Variants in GLO1 observed in about 807,000 individuals in gnomAD.
GLO1 encodes the protein glyoxalase I, also known as lactoylglutathione lyase.
GLO1 carries 28 observed loss-of-function variants against 26.0 expected under a neutral mutation model. The observed-to-expected ratio is 1.08, with a 90% CI of 0.80 to 1.48. GLO1 has a LOEUF of 1.48. Among genes scored for constraint, GLO1 ranks in the 40% most tolerant of loss-of-function variants. The pLI, the probability that GLO1 is intolerant of heterozygous loss-of-function variation, is 0.00. For missense variants in GLO1, 225 were observed against 224.8 expected (o/e 1.00, Z -0.01); for synonymous variants, 78 against 77.6 (o/e 1.00, Z -0.03).
intron 5 of GLO1, among the ~76,000 whole-genome samples, chr6:38,681,804 T>C (rs540952831): frequency 3.2e-4 from 49 of 152,284 alleles, no homozygotes; most frequent in African/African-American, 1.0e-3. Context: ...CTGTGTCTAG[T>C]GCCTTGGAAA....
intron 5 of GLO1, among the ~76,000 whole-genome samples, chr6:38,679,820 A>G (rs750670640): frequency 3.3e-4 from 50 of 152,146 alleles, no homozygotes; most frequent in Middle Eastern, 3.4e-3. Flanking sequence ...AATAAACAAT[A>G]TGAAATATTA....
In GLO1 at chr6:38,686,954, G is replaced by C. The variant is rs796746763; in HGVS notation, c.105C>G (p.Thr35=). The C allele has an allele frequency of 2.5e-6, 4 of 1,602,932 alleles. No homozygotes were observed. The African/African-American group carries it at 5.4e-5, about 21-fold the overall frequency. Residue 35 remains threonine, a synonymous_variant, in exon 2 of 6, where the codon ACC becomes ACG. Transcript: ENST00000373365. ...PSTKDFLLQQ[T]MLRVKDPKKS... is the part of the protein sequence containing the mutation. ...TCTTAGGATCCTTCACTCGTAGCAT[G>C]GTCTGCTGCAATAGAAAATCCTATG...
chr6:38,686,946 C>T lies in GLO1; in HGVS notation c.113G>A (p.Arg38Gln), dbSNP rs1038747749. 32 of 1,606,148 alleles carry T rather than the reference C, an allele frequency of 2.0e-5. No homozygotes were observed. Among genetic ancestry groups the T allele is most frequent in the Middle Eastern group, 1.7e-4 (1 of 6,040 alleles). ...CAGTGACTTCTTAGGATCCTTCACT[C>T]GTAGCATGGTCTGCTGCAATAGAAA... ...KDFLLQQTML[R>Q]VKDPKKSLDF... Residue 38 changes from arginine to glutamine, a missense_variant, in exon 2 of 6, where the codon CGA (arginine) becomes CAA (glutamine). Transcript: ENST00000373365.
intron 1 of GLO1, among the ~76,000 whole-genome samples, chr6:38,693,708 TGTTTTG>T (rs1158613903): frequency 1.3e-5 from 2 of 148,722 alleles, no homozygotes; most frequent in Non-Finnish European, 3.0e-5. Flanking sequence ...TATATATATT[TGTTTTG>T]TTTTGTTTTG....
At chr6:38,698,551 G>C (rs1469724869) in intron 1 of GLO1, among the ~76,000 whole-genome samples, 1 of 149,004 alleles carries the variant, frequency 6.7e-6, no homozygotes, top group Non-Finnish European at 1.5e-5. Context: ...AGTGGTGGTA[G>C]AAATAATGGC....
At chr6:38,677,978 T>C (rs1399577784) in intron 5 of GLO1, among the ~76,000 whole-genome samples, 1 of 152,136 alleles carries the variant, frequency 6.6e-6, no homozygotes, top group African/African-American at 2.4e-5. Flanking sequence ...ACAGAAATTG[T>C]CTTATTTTAA....
intron 4 of GLO1, among the ~76,000 whole-genome samples, 184 bp from the exon 5 acceptor site, chr6:38,682,285 A>G (rs1761393536): frequency 6.6e-6 from 1 of 152,216 alleles, no homozygotes; most frequent in Non-Finnish European, 1.5e-5. Flanking sequence ...TGGGCTGGGT[A>G]TAAGTAGTTA....
At chr6:38,692,820 G>C (rs889139723) in intron 1 of GLO1, among the ~76,000 whole-genome samples, 1 of 149,512 alleles carries the variant, frequency 6.7e-6, no homozygotes, top group Non-Finnish European at 1.5e-5. Context: ...TCTTAATATG[G>C]TGGATTATAC....
At position 38,677,032 on chromosome 6, in the gene GLO1, T is replaced by A. The variant is rs1761261828; in HGVS notation, c.*263A>T. On this transcript the variant is annotated 3_prime_UTR_variant, in exon 6 of 6. Transcript: ENST00000373365. ...GTGGCAGAAGAAGGCAAATGCAGCC[T>A]CTGAAGGGAACTGTTCTAATTATTA... 1.2e-5 allele frequency: 4 copies of A among 329,394 alleles called. No homozygotes were observed. In the South Asian group the frequency reaches 3.8e-4, roughly 32 times the overall value. The allele number at this position is 329,394 out of a possible 1,614,324, so 20.4% of individuals were successfully genotyped here.
intron 3 of GLO1, 82 bp downstream of exon 3, chr6:38,684,292 G>T: frequency 1.8e-6 from 1 of 566,662 alleles, no homozygotes. Flanking sequence ...AATTATACTG[G>T]TCAGTAAACA....
At chr6:38,687,057 A>G (rs1761470490) in intron 1 of GLO1, 83 bp from the exon 2 acceptor site, 5 of 1,526,288 alleles carry the variant, frequency 3.3e-6, no homozygotes, top group Non-Finnish European at 2.6e-6. Flanking sequence ...AACAAGATAC[A>G]AACACAATTG....
chr6:38,678,450 A>C (rs1351993342), intron 5 of GLO1, among the ~76,000 whole-genome samples: 11 of 151,100 alleles, frequency 7.3e-5, no homozygotes, highest in Non-Finnish European at 1.0e-4. Context: ...GAAAGAAAGA[A>C]ACCCGGCTGG....
intron 1 of GLO1, 127 bp from the exon 2 acceptor site, chr6:38,687,101 T>C: frequency 6.9e-7 from 1 of 1,446,316 alleles, no homozygotes. Context: ...AAGGGCTCTC[T>C]GCTCAGTGGT....
At position 38,684,430 on chromosome 6, in the gene GLO1, T is replaced by TC. The variant is rs779200027; in HGVS notation, c.251_252insG (p.Asp86ArgfsTer2). 2 of 1,576,642 alleles carry TC rather than the reference T, an allele frequency of 1.3e-6. No homozygotes were observed. Among genetic ancestry groups the TC allele is most frequent in the East Asian group, 4.7e-5 (2 of 42,738 alleles). On this transcript the variant is annotated frameshift_variant, in exon 3 of 6. Coordinates refer to ENST00000373365, the MANE Select transcript of GLO1 (RefSeq NM_006708.3). LOFTEE classifies it high-confidence loss of function. ...GCGCCCAGGCTATTTTTTCATCTTT[T>TC]TCTTTAGGGATGTCATTTTTATCCT...
intron 5 of GLO1, among the ~76,000 whole-genome samples, chr6:38,678,390 G>A (rs1761307149): frequency 8.0e-6 from 1 of 124,874 alleles, no homozygotes; most frequent in Non-Finnish European, 1.8e-5. Flanking sequence ...GAGGAAGGAA[G>A]GAAGGAAGGA....
At chr6:38,694,020 A>C (rs895862212) in intron 1 of GLO1, among the ~76,000 whole-genome samples, 4 of 152,124 alleles carry the variant, frequency 2.6e-5, no homozygotes, top group African/African-American at 9.7e-5. Flanking sequence ...TCAGCTCAAA[A>C]TATTTTTAAA....
At chr6:38,691,556 C>T (rs984888205) in intron 1 of GLO1, among the ~76,000 whole-genome samples, 1 of 152,128 alleles carries the variant, frequency 6.6e-6, no homozygotes, top group Non-Finnish European at 1.5e-5. Context: ...GTCCACCCGC[C>T]TTGACCTCCC....
intron 1 of GLO1, among the ~76,000 whole-genome samples, chr6:38,691,894 A>G (rs118073353): frequency 1.3e-5 from 2 of 152,298 alleles, no homozygotes; most frequent in East Asian, 3.9e-4. Flanking sequence ...TGGGCATACT[A>G]GTGTGGGTAT....
intron 1 of GLO1, among the ~76,000 whole-genome samples, chr6:38,695,821 G>T (rs1761603668): frequency 6.6e-6 from 1 of 152,158 alleles, no homozygotes; most frequent in Non-Finnish European, 1.5e-5. Flanking sequence ...CAGGTCCTGT[G>T]GCTAGAGAGC....
Sources: gnomAD v4.1 joint callset for allele counts (sites outside exome capture counted in the v4.1 genomes callset) on GRCh38, gnomAD v4.1.1 for gene constraint, MANE v1.5 for transcripts, NCBI Gene and HGNC (gene_info 2026-07-23, HGNC 2026-07-21) for gene names.